Variants in SYT9 observed in about 807,000 individuals in gnomAD.
SYT9 encodes synaptotagmin 9.
SYT9 carries 22 observed loss-of-function variants against 48.4 expected under a neutral mutation model. That is an observed-to-expected ratio of 0.45 (90% CI 0.32 to 0.65). The LOEUF (loss-of-function observed/expected upper bound fraction) is 0.65. Among genes scored for constraint, SYT9 ranks in the 30% least tolerant of loss-of-function variants. The probability of loss-of-function intolerance (pLI) is 0.03; values close to 1 mark genes in which losing one functional copy is unlikely to be tolerated. For synonymous variants in SYT9, 265 were observed against 245.0 expected (o/e 1.08, Z -0.76); for missense variants, 577 against 622.0 (o/e 0.93, Z 0.77).
intron 3 of SYT9, among the ~76,000 whole-genome samples, chr11:7,344,389 T>G (rs975428217): frequency 1.3e-5 from 2 of 149,374 alleles, no homozygotes; most frequent in African/African-American, 5.0e-5. Context: ...AAGAGAGACA[T>G]TCTTAATTCT....
chr11:7,333,368 C>T (rs193131243), intron 3 of SYT9, among the ~76,000 whole-genome samples: 8 of 152,166 alleles, frequency 5.3e-5, no homozygotes, highest in African/African-American at 1.4e-4. Flanking sequence ...GGTCAGTCTG[C>T]CTTCAGCAAG....
chr11:7,322,196 A>T (rs1319415940), intron 3 of SYT9, among the ~76,000 whole-genome samples: 1 of 152,142 alleles, frequency 6.6e-6, no homozygotes, highest in Non-Finnish European at 1.5e-5. Flanking sequence ...ACATCACTGA[A>T]AGCAGAGTTG....
At chr11:7,382,279 C>G (rs72846004) in intron 3 of SYT9, among the ~76,000 whole-genome samples, 10,402 of 152,156 alleles carry the variant, frequency 0.068, 466 homozygotes, top group Middle Eastern at 0.17. Flanking sequence ...GATAGGGTAG[C>G]ACTATGGAAA....
intron 3 of SYT9, among the ~76,000 whole-genome samples, chr11:7,397,410 A>G (rs1299737005): frequency 2.0e-5 from 3 of 152,138 alleles, no homozygotes; most frequent in East Asian, 1.9e-4. Context: ...GTACCTCACT[A>G]TTTTGATTAA....
intron 4 of SYT9, 43 bp downstream of exon 4, chr11:7,416,205 G>A (rs377269932): frequency 2.1e-5 from 34 of 1,611,224 alleles, no homozygotes; most frequent in Non-Finnish European, 2.5e-5. Flanking sequence ...CACTTCTACT[G>A]TAGTAAGTAC....
intron 3 of SYT9, among the ~76,000 whole-genome samples, chr11:7,400,198 G>T (rs757653466): frequency 2.0e-5 from 3 of 152,178 alleles, no homozygotes; most frequent in South Asian, 2.1e-4. Flanking sequence ...TAGCATGAAT[G>T]ATGCCATATA....
chr11:7,403,564 C>G (rs370680854), intron 3 of SYT9, among the ~76,000 whole-genome samples: 2 of 150,392 alleles, frequency 1.3e-5, no homozygotes, highest in African/African-American at 2.5e-5. Flanking sequence ...AATAAATAAA[C>G]AGAGAGAGAG....
At chr11:7,385,400 A>T (rs952198209) in intron 3 of SYT9, among the ~76,000 whole-genome samples, 1 of 151,820 alleles carries the variant, frequency 6.6e-6, no homozygotes, top group Admixed American at 6.6e-5. Flanking sequence ...AATTCATCCC[A>T]AACTCTGTCA....
intron 6 of SYT9, among the ~76,000 whole-genome samples, chr11:7,449,745 A>G (rs1848008893): frequency 6.6e-6 from 1 of 152,156 alleles, no homozygotes. Context: ...CCTAGAAAAT[A>G]AAGCCACAGC....
chr11:7,441,448 C>T (rs1847828215), intron 6 of SYT9: 1 of 152,182 alleles, frequency 6.6e-6, no homozygotes, highest in Admixed American at 6.5e-5. Flanking sequence ...GAACAGAAAT[C>T]CTGACACAAA....
chr11:7,374,432 C>T (rs1025655548), intron 3 of SYT9, among the ~76,000 whole-genome samples: 4 of 152,128 alleles, frequency 2.6e-5, no homozygotes, highest in Non-Finnish European at 5.9e-5. Context: ...TGGGTATATA[C>T]CCAGTAATGG....
intron 3 of SYT9, among the ~76,000 whole-genome samples, chr11:7,344,556 C>T (rs1014918448): frequency 6.6e-6 from 1 of 151,978 alleles, no homozygotes; most frequent in African/African-American, 2.4e-5. Context: ...AACTACAATC[C>T]ATTTTGAGTT....
intron 3 of SYT9, among the ~76,000 whole-genome samples, chr11:7,402,660 A>G (rs1309644274): frequency 1.3e-5 from 2 of 152,076 alleles, no homozygotes; most frequent in African/African-American, 4.8e-5. Flanking sequence ...CTTTCTTTTG[A>G]CTAGTATTTA....
intron 3 of SYT9, among the ~76,000 whole-genome samples, chr11:7,373,313 C>T (rs1294749534): frequency 2.0e-5 from 3 of 152,094 alleles, no homozygotes; most frequent in Non-Finnish European, 4.4e-5. Flanking sequence ...ATTATTTTCT[C>T]CTCTGGAATG....
At chr11:7,313,372 T>C in intron 2 of SYT9, 23 bp from the exon 3 acceptor site, 1 of 1,583,530 alleles carries the variant, frequency 6.3e-7, no homozygotes, top group Non-Finnish European at 8.6e-7. Flanking sequence ...TATAACTTTG[T>C]TCTGTGTTGC....
rs114917237 is a variant in SYT9 at position 7,389,458 on chromosome 11, C to T, written c.1045-26584C>T. ...ATCAGGTGAAAAACATAAGATGCTA[C>T]CCCCATTATCTCTTGAGAACTCCCC... is the stretch of plus-strand genomic sequence containing the variant. On this transcript the variant is annotated intron_variant, in intron 3 of 6. Coordinates refer to ENST00000318881, the MANE Select transcript of SYT9 (RefSeq NM_175733.4). Among the ~76,000 whole-genome samples, 647 of 152,154 alleles carry T rather than the reference C, an allele frequency of 4.3e-3. 5 individuals carry two copies. Among genetic ancestry groups the T allele is most frequent in the African/African-American group, 0.015 (617 of 41,520 alleles).
At chr11:7,298,920 A>C (rs1445188417) in intron 1 of SYT9, among the ~76,000 whole-genome samples, 1 of 152,170 alleles carries the variant, frequency 6.6e-6, no homozygotes, top group Non-Finnish European at 1.5e-5. Context: ...GGTCACCCCC[A>C]AAACAGCAAT....
chr11:7,288,834 C>T (rs1321323794), intron 1 of SYT9, among the ~76,000 whole-genome samples: 1 of 152,210 alleles, frequency 6.6e-6, no homozygotes, highest in Admixed American at 6.5e-5. Context: ...GGTGTGAGAA[C>T]CCTGCTCTCT....
intron 6 of SYT9, chr11:7,435,823 A>G (rs531996246): frequency 5.3e-5 from 8 of 152,326 alleles, no homozygotes; most frequent in African/African-American, 1.9e-4. Context: ...TGTACTAAAA[A>G]TACAAAAATT....
Sources: gnomAD v4.1 joint callset for allele counts (sites outside exome capture counted in the v4.1 genomes callset) on GRCh38, gnomAD v4.1.1 for gene constraint, MANE v1.5 for transcripts, NCBI Gene and HGNC (gene_info 2026-07-23, HGNC 2026-07-21) for gene names.